Variants in ACTR10 observed in about 807,000 individuals in gnomAD.
ACTR10 encodes actin-related protein 10.
In ACTR10, 43 loss-of-function variants were observed where a neutral mutation model predicts 56.2. That is an observed-to-expected ratio of 0.77 (90% CI 0.60 to 0.99). The LOEUF (loss-of-function observed/expected upper bound fraction) is 0.99, where lower values mean the gene tolerates loss of function less well. ACTR10 is among the 50% of genes least tolerant of loss of function. ACTR10 has a pLI of 0.00. For synonymous variants in ACTR10, 170 were observed against 176.3 expected, an observed-to-expected ratio of 0.96 and a Z score of 0.28; for missense variants, 466 against 507.8, an observed-to-expected ratio of 0.92 and a Z score of 0.79.
intron 7 of ACTR10, among the ~76,000 whole-genome samples, chr14:58,215,674 G>T (rs1356089675): frequency 2.0e-5 from 3 of 151,872 alleles, no homozygotes; most frequent in Non-Finnish European, 2.9e-5. Flanking sequence ...CTTTTTAACT[G>T]TGATCTTATC....
intron 5 of ACTR10, chr14:58,213,181 A>G (rs558313597): frequency 6.6e-6 from 1 of 152,614 alleles, no homozygotes; most frequent in African/African-American, 2.4e-5. Flanking sequence ...AGATGAAATT[A>G]ATAGTATATT....
chr14:58,226,997 A>T (rs376265113), intron 10 of ACTR10, among the ~76,000 whole-genome samples: 118 of 152,336 alleles, frequency 7.7e-4, no homozygotes, highest in African/African-American at 2.7e-3. Flanking sequence ...AAAAAGGGTT[A>T]TTTAAAGGAA....
In ACTR10 at chr14:58,209,112, C is replaced by T. The variant is rs917303658; in HGVS notation, c.342+5C>T. The T allele has an allele frequency of 6.5e-7, 1 of 1,542,932 alleles. No individual in the cohort carries two copies. Among genetic ancestry groups the T allele is most frequent in the Admixed American group, 1.9e-5 (1 of 53,916 alleles). On this transcript the variant is annotated splice_donor_5th_base_variant and intron_variant, in intron 4 of 12. Transcript: ENST00000254286. ...GTTCTTTTCAAATATTTTGAGGTAC[C>T]TGTCTTTATATCAAATAAGTAAATT...
At position 58,227,576 on chromosome 14, in the gene ACTR10, G is replaced by T. The variant is rs543878299; in HGVS notation, c.789-2823G>T. Reference sequence around the variant, plus strand: ...ATATCAAATCAGCTGACAAAAGATTGGGAAAAAGAAGAGTGACTCTTTGTA... The same window carrying T: ...ATATCAAATCAGCTGACAAAAGATTTGGAAAAAGAAGAGTGACTCTTTGTA... On this transcript the variant is annotated intron_variant, in intron 10 of 12. Transcript: ENST00000254286. Among the ~76,000 whole-genome samples the T allele has an allele frequency of 1.0e-3, 157 of 152,298 alleles. 2 individuals carry two copies. The highest frequency in any genetic ancestry group is 3.2e-3 in the African/African-American group (131 of 41,576).
Position 58,232,218 on chromosome 14 carries a change from T to G in ACTR10, c.1023T>G (p.Phe341Leu). ...KYKKALGTKTFRIHTPPAKAN... is the reference protein window; with the variant it reads ...KYKKALGTKTLRIHTPPAKAN... ...AAAAAGCACTTGGCACTAAGACATT[T>G]CGAATTCATACTCCACCTGCAAAAG... The change falls in exon 12 of 13, where the codon TTT becomes TTG. Residue 341 changes from phenylalanine (F) to leucine (L), a missense_variant. By Grantham distance (22) the Phe-to-Leu change is conservative. Coordinates refer to ENST00000254286, the MANE Select transcript of ACTR10 (RefSeq NM_018477.3). The G allele has an allele frequency of 1.9e-6, 3 of 1,613,820 alleles. No homozygotes were observed. The highest frequency in any genetic ancestry group is 2.5e-6 in the Non-Finnish European group (3 of 1,179,892).
intron 1 of ACTR10, 63 bp from the exon 2 acceptor site, chr14:58,202,792 A>C: frequency 8.8e-7 from 1 of 1,142,722 alleles, no homozygotes; most frequent in East Asian, 2.4e-5. Flanking sequence ...AGAGAAAATT[A>C]GTTTCTGTGA....
intron 3 of ACTR10, 103 bp downstream of exon 3, chr14:58,208,121 G>C: frequency 1.1e-6 from 1 of 897,534 alleles, no homozygotes; most frequent in Non-Finnish European, 1.6e-6. Flanking sequence ...AAAAAAAAAT[G>C]GACTTCTATT....
intron 10 of ACTR10, among the ~76,000 whole-genome samples, chr14:58,229,407 A>AGT (rs1345472222): frequency 1.3e-5 from 2 of 151,946 alleles, no homozygotes; most frequent in African/African-American, 4.8e-5. Context: ...GGCCGGGCGC[A>AGT]GTGGCTCACG....
At chr14:58,227,893 T>C (rs554394523) in intron 10 of ACTR10, among the ~76,000 whole-genome samples, 58 of 152,360 alleles carry the variant, frequency 3.8e-4, no homozygotes, top group African/African-American at 1.3e-3. Context: ...GCCACAGTTA[T>C]ACAAACCTGA....
At chr14:58,200,761 G>A (rs2140038451) in intron 1 of ACTR10, among the ~76,000 whole-genome samples, 1 of 152,324 alleles carries the variant, frequency 6.6e-6, no homozygotes, top group South Asian at 2.1e-4. Context: ...TCAAGAATTA[G>A]GGAGACTGGG....
At chr14:58,227,639 T>C (rs1057087886) in intron 10 of ACTR10, among the ~76,000 whole-genome samples, 2 of 152,190 alleles carry the variant, frequency 1.3e-5, no homozygotes, top group African/African-American at 2.4e-5. Flanking sequence ...TCTGCAGGCA[T>C]AGTGGCAAGG....
At chr14:58,223,489 T>A (rs890416137) in intron 8 of ACTR10, 133 bp from the exon 9 acceptor site, 1 of 768,306 alleles carries the variant, frequency 1.3e-6, no homozygotes. Flanking sequence ...AAGATGGGAA[T>A]AGAGTTTATA....
chr14:58,210,821 G>T (rs1459394803), intron 4 of ACTR10, among the ~76,000 whole-genome samples: 1 of 151,852 alleles, frequency 6.6e-6, no homozygotes, highest in Admixed American at 6.6e-5. Flanking sequence ...ATTACAGGCA[G>T]ATGCCACAAC....
intron 2 of ACTR10, among the ~76,000 whole-genome samples, chr14:58,205,941 G>GAA (rs747179562): frequency 1.5e-4 from 22 of 151,634 alleles, no homozygotes; most frequent in Non-Finnish European, 2.2e-4. Context: ...AGAATCGCTT[G>GAA]AATCTGGGAG....
intron 8 of ACTR10, among the ~76,000 whole-genome samples, chr14:58,223,283 C>T (rs968813134): frequency 2.6e-5 from 4 of 152,000 alleles, no homozygotes; most frequent in Non-Finnish European, 4.4e-5. Flanking sequence ...ATTACAGGCA[C>T]CCGCCACCAC....
At chr14:58,232,370 C>T in intron 12 of ACTR10, 103 bp downstream of exon 12, 4 of 744,240 alleles carry the variant, frequency 5.4e-6, no homozygotes, top group Non-Finnish European at 8.2e-6. Flanking sequence ...TTCAGAATTG[C>T]CCACTTTATA....
chr14:58,225,734 G>A (rs976020440), intron 10 of ACTR10, among the ~76,000 whole-genome samples: 3 of 149,238 alleles, frequency 2.0e-5, no homozygotes, highest in Non-Finnish European at 3.0e-5. Flanking sequence ...TTCTTGAGAC[G>A]GAATTTTTGC....
chr14:58,231,242 GGGTTTCTCCATGTT>G (rs1258573550), intron 11 of ACTR10: 1 of 181,806 alleles, frequency 5.5e-6, no homozygotes, highest in Non-Finnish European at 1.2e-5. Context: ...GGTAGAGATG[GGGTTTCTCCATGTT>G]GGTCAGGCTG....
chr14:58,234,188 A>G (rs1889612959), intron 12 of ACTR10, among the ~76,000 whole-genome samples, 182 bp from the exon 13 acceptor site: 1 of 152,180 alleles, frequency 6.6e-6, no homozygotes, highest in Non-Finnish European at 1.5e-5. Context: ...GTTATGGCTT[A>G]CCCTGTTATT....
Sources: allele counts gnomAD v4.1 joint callset (sites outside exome capture counted in the v4.1 genomes callset), GRCh38; gene constraint gnomAD v4.1.1; transcripts MANE v1.5; gene names NCBI Gene and HGNC (gene_info 2026-07-23, HGNC 2026-07-21).